Variants in PCSK1 observed in about 807,000 individuals in gnomAD.
PCSK1 encodes proprotein convertase subtilisin/kexin type 1, also known as neuroendocrine convertase 1.
In PCSK1, 56 loss-of-function variants were observed where a neutral mutation model predicts 90.6. The ratio of observed to expected loss-of-function variants is 0.62; its 90% confidence interval spans 0.50 to 0.77. PCSK1 has a LOEUF of 0.77. PCSK1 is among the 30% of genes least tolerant of loss of function. PCSK1 has a pLI of 0.00. For missense variants in PCSK1, 801 were observed against 932.6 expected, an observed-to-expected ratio of 0.86 and a Z score of 1.84; for synonymous variants, 348 against 342.4, an observed-to-expected ratio of 1.02 and a Z score of -0.18.
rs1760928461 is a variant in PCSK1, at chr5:96,416,051, A to G, written c.691T>C (p.Tyr231His). 6 of 1,610,832 alleles carry G rather than the reference A, an allele frequency of 3.7e-6. No individual in the cohort carries two copies. Among genetic ancestry groups the G allele is most frequent in the Non-Finnish European group, 5.1e-6 (6 of 1,177,012 alleles). The stretch of plus-strand genomic sequence containing the variant: ...GTTTTACCTCCAACTTTGGAATTGT[A>G]TGCAACTCCAACCCCGCATTTGTGA... ...NNHKCGVGVAYNSKVGGIRML... is the reference protein window; with the variant it reads ...NNHKCGVGVAHNSKVGGIRML... The change falls in exon 6 of 14, where the codon TAC becomes CAC. Residue 231 changes from tyrosine (Y) to histidine (H), a missense_variant. Transcript: ENST00000311106.
At position 96,393,250 on chromosome 5, in the gene PCSK1, C is replaced by T; in HGVS notation, c.2013G>A (p.Leu671=). 3 of 1,613,960 alleles carry T rather than the reference C, an allele frequency of 1.9e-6. No homozygotes were observed. Among genetic ancestry groups the T allele is most frequent in the Non-Finnish European group, 1.7e-6 (2 of 1,179,950 alleles). ...GAPSQAMLRL[L]QSAFSKNSPP... is the part of the protein sequence containing the mutation. ...GTGAGTTTTTACTGAAAGCACTTTG[C>T]AGGAGTCGCAGCATGGCCTGGGAAG... The change falls in exon 14 of 14, where the codon CTG becomes CTA. Residue 671 remains leucine, a synonymous_variant. Coordinates refer to ENST00000311106, the MANE Select transcript of PCSK1 (RefSeq NM_000439.5).
intron 1 of PCSK1, among the ~76,000 whole-genome samples, chr5:96,429,561 GCCC>G (rs1761427168): frequency 6.6e-6 from 1 of 152,036 alleles, no homozygotes; most frequent in African/African-American, 2.4e-5. Flanking sequence ...CAGGTATTAA[GCCC>G]AATACCCATT....
At chr5:96,419,625 G>A (rs1291439498) in intron 5 of PCSK1, among the ~76,000 whole-genome samples, 1 of 151,538 alleles carries the variant, frequency 6.6e-6, no homozygotes, top group Non-Finnish European at 1.5e-5. Context: ...TTAACTGTTG[G>A]GCTATGACAT....
intron 2 of PCSK1, among the ~76,000 whole-genome samples, chr5:96,426,761 G>A (rs1761321083): frequency 6.6e-6 from 1 of 152,102 alleles, no homozygotes; most frequent in Admixed American, 6.6e-5. Flanking sequence ...ACAATTCAGT[G>A]TGTGGTGGAA....
In PCSK1 at chr5:96,421,927, A is replaced by T. The variant is rs1293626686; in HGVS notation, c.573T>A (p.Asp191Glu). 2 of 1,573,370 alleles carry T rather than the reference A, an allele frequency of 1.3e-6. No homozygotes were observed. The highest frequency in any genetic ancestry group is 3.4e-5 in the Admixed American group (2 of 59,056). ...YDPEASYDFN[D>E]NDHDPFPRYD... The stretch of plus-strand genomic sequence containing the variant: ...ATCGGGGAAATGGATCATGGTCATT[A>T]TCATTAAAATCATAGCTAGCCTCTG... The change falls in exon 5 of 14, where the codon GAT (aspartate) becomes GAA (glutamate). Residue 191 changes from aspartate (D) to glutamate (E), a missense_variant. Physicochemically the swap from Asp to Glu is conservative, Grantham distance 45. Coordinates refer to ENST00000311106, the MANE Select transcript of PCSK1 (RefSeq NM_000439.5).
rs750185441 is a variant in PCSK1, at chr5:96,392,563, G to T, written c.*438C>A. 3.5e-5 allele frequency: 6 copies of T among 173,586 alleles called. No homozygotes were observed. Among genetic ancestry groups the T allele is most frequent in the Non-Finnish European group, 7.4e-5 (6 of 81,100 alleles). 10.8% of individuals were successfully genotyped at this position (173,586 alleles called of 1,614,324 possible). On this transcript the variant is annotated 3_prime_UTR_variant, in exon 14 of 14. Coordinates refer to ENST00000311106, the MANE Select transcript of PCSK1 (RefSeq NM_000439.5). ...AAATACTTTCTTGGCATCAAAATTTGAAGAACCACATGGACAAGACAGGGA... is the reference window on the plus strand; with the variant it reads ...AAATACTTTCTTGGCATCAAAATTTTAAGAACCACATGGACAAGACAGGGA...
chr5:96,391,933 C>G lies in PCSK1; in HGVS notation c.*1068G>C, dbSNP rs1218115671. On this transcript the variant is annotated 3_prime_UTR_variant, in exon 14 of 14. Transcript: ENST00000311106. ...AGGAGCAATTTGGTGAGAATTTGGA[C>G]ACTATCAGTGATAGGATTGGAGAAG... 1 of 152,160 alleles carries G rather than the reference C, an allele frequency of 6.6e-6. No individual in the cohort carries two copies. Among genetic ancestry groups the G allele is most frequent in the East Asian group, 1.9e-4 (1 of 5,196 alleles). 9.4% of individuals were successfully genotyped at this position (152,160 alleles called of 1,614,324 possible).
At chr5:96,413,842 A>T (rs1381067933) in intron 6 of PCSK1, among the ~76,000 whole-genome samples, 1 of 145,354 alleles carries the variant, frequency 6.9e-6, no homozygotes, top group Admixed American at 7.0e-5. Flanking sequence ...AAAATCGGCC[A>T]GGTGCGGTGG....
At chr5:96,410,214 G>A (rs1760709598) in intron 8 of PCSK1, among the ~76,000 whole-genome samples, 1 of 152,112 alleles carries the variant, frequency 6.6e-6, no homozygotes, top group African/African-American at 2.4e-5. Flanking sequence ...GCAAGCGTGG[G>A]CTGGAGGAGC....
At chr5:96,421,058 T>C (rs575174696) in intron 5 of PCSK1, among the ~76,000 whole-genome samples, 82 of 152,306 alleles carry the variant, frequency 5.4e-4, no homozygotes, top group South Asian at 2.1e-3. Context: ...AGAACATCGG[T>C]ATGAGCAAAG....
intron 3 of PCSK1, among the ~76,000 whole-genome samples, chr5:96,425,064 GAAAGAAAGA>G (rs1761262343): frequency 7.3e-6 from 1 of 137,560 alleles, no homozygotes; most frequent in South Asian, 2.4e-4. Flanking sequence ...AAGAAAGAAA[GAAAGAAAGA>G]AAACGTAGGG....
chr5:96,422,465 G>T (rs1330334813), intron 4 of PCSK1, among the ~76,000 whole-genome samples: 1 of 152,132 alleles, frequency 6.6e-6, no homozygotes. Context: ...TTGAGAGAGG[G>T]TGCTTGAAAT....
At chr5:96,416,198 G>T (rs889844741) in intron 5 of PCSK1, 77 bp from the exon 6 acceptor site, 2 of 968,498 alleles carry the variant, frequency 2.1e-6, no homozygotes, top group Non-Finnish European at 3.3e-6. Flanking sequence ...AATTAATGGG[G>T]CATAGGTATA....
At chr5:96,417,014 T>C (rs1409912964) in intron 5 of PCSK1, among the ~76,000 whole-genome samples, 3 of 152,326 alleles carry the variant, frequency 2.0e-5, no homozygotes, top group East Asian at 3.9e-4. Context: ...GGAAACAACC[T>C]GTAAGAGTGT....
intron 7 of PCSK1, among the ~76,000 whole-genome samples, chr5:96,411,935 G>A (rs1307044629): frequency 3.9e-5 from 6 of 152,066 alleles, no homozygotes; most frequent in Non-Finnish European, 7.4e-5. Flanking sequence ...TCAGCCTCCC[G>A]AGTAGCTGGG....
chr5:96,429,665 T>C (rs531297319), intron 1 of PCSK1, among the ~76,000 whole-genome samples: 5 of 152,194 alleles, frequency 3.3e-5, no homozygotes, highest in Non-Finnish European at 7.3e-5. Context: ...ATTTACGTGT[T>C]CTCATCATTT....
In PCSK1 at chr5:96,406,160, G is replaced by C. The variant is rs562097496; in HGVS notation, c.1196+2063C>G. ...GGAAGAGAAGAAGTTTGTAAAAAAA[G>C]GTCTCGTTTGACCCCTTCATTTTAT... On this transcript the variant is annotated intron_variant, in intron 9 of 13. Transcript: ENST00000311106. Among the ~76,000 whole-genome samples the C allele has an allele frequency of 3.3e-5, 5 of 152,174 alleles. No homozygotes were observed. In the South Asian group the frequency reaches 1.0e-3, roughly 32 times the overall value.
chr5:96,400,550 T>G (rs1350528339), intron 9 of PCSK1, among the ~76,000 whole-genome samples: 1 of 152,226 alleles, frequency 6.6e-6, no homozygotes, highest in Non-Finnish European at 1.5e-5. Flanking sequence ...CCCTCCAGTC[T>G]CATGCTGTCC....
chr5:96,405,635 C>T (rs1277792487), intron 9 of PCSK1, among the ~76,000 whole-genome samples: 2 of 152,184 alleles, frequency 1.3e-5, no homozygotes, highest in Admixed American at 6.5e-5. Flanking sequence ...CTTGCCACTG[C>T]ACTCCAGCCT....
Sources: allele counts gnomAD v4.1 joint callset (sites outside exome capture counted in the v4.1 genomes callset), GRCh38; gene constraint gnomAD v4.1.1; transcripts MANE v1.5; gene names NCBI Gene and HGNC (gene_info 2026-07-23, HGNC 2026-07-21).